KCNJ4: variants seen among roughly 807,000 people sequenced by gnomAD.
KCNJ4 encodes potassium inwardly rectifying channel subfamily J member 4.
Under a neutral mutation model 25.6 loss-of-function variants are expected in KCNJ4, and 3 were observed. The observed-to-expected ratio is 0.12, with a 90% CI of 0.05 to 0.30. KCNJ4 has a LOEUF of 0.30. Among genes scored for constraint, KCNJ4 ranks in the 10% least tolerant of loss-of-function variants. The pLI is 1.00. For synonymous variants in KCNJ4, 257 were observed against 283.9 expected, an observed-to-expected ratio of 0.91 and a Z score of 0.95; for missense variants, 286 against 666.8, an observed-to-expected ratio of 0.43 and a Z score of 6.29.
chr22:38,444,475 G>A (rs2089359612), intron 1 of KCNJ4, among the ~76,000 whole-genome samples: 1 of 152,220 alleles, frequency 6.6e-6, no homozygotes, highest in Admixed American at 6.5e-5. Context: ...AGGACAGGAT[G>A]TCAGAGGGCT....
In KCNJ4 at chr22:38,426,581, G is replaced by C; in HGVS notation, c.*214C>G. The C allele has an allele frequency of 1.7e-6, 1 of 575,188 alleles. No homozygotes were observed. Among genetic ancestry groups the C allele is most frequent in the Admixed American group, 3.3e-5 (1 of 30,316 alleles). 35.6% of individuals were successfully genotyped at this position (575,188 alleles called of 1,614,324 possible). A position where few individuals can be genotyped will look rare whatever the true frequency, so the allele number is the denominator to read the frequency against. On this transcript the variant is annotated 3_prime_UTR_variant, in exon 2 of 2. Transcript: ENST00000303592. ...GGACCTAGAGCCACCAGAAGTAGGC[G>C]CTGGCGGAACTCAGGCTGATCGGGG...
intron 1 of KCNJ4, among the ~76,000 whole-genome samples, chr22:38,447,875 C>A (rs924370596): frequency 1.3e-5 from 2 of 151,884 alleles, no homozygotes; most frequent in Non-Finnish European, 2.9e-5. Flanking sequence ...ACCAGCCTGA[C>A]CAACATGGTG....
intron 1 of KCNJ4, among the ~76,000 whole-genome samples, chr22:38,454,178 G>A (rs2089425073): frequency 6.6e-6 from 1 of 152,070 alleles, no homozygotes; most frequent in African/African-American, 2.4e-5. Flanking sequence ...GCCCTGCTCT[G>A]TCAGCTGGCC....
Position 38,455,111 on chromosome 22 carries a change from G to C in KCNJ4, c.-171C>G, listed in dbSNP as rs2089432678. 1 of 149,604 alleles carries C rather than the reference G, an allele frequency of 6.7e-6. No homozygotes were observed. Among genetic ancestry groups the C allele is most frequent in the African/African-American group, 2.4e-5 (1 of 41,060 alleles). 9.3% of individuals were successfully genotyped at this position (149,604 alleles called of 1,614,324 possible). ...CGCCCCCTGCCCGCGAACTCGGCCG[G>C]CCGGCCCGCGCTCCCCTCCCCGGCT... On this transcript the variant is annotated 5_prime_UTR_variant, in exon 1 of 2. Coordinates refer to ENST00000303592, the MANE Select transcript of KCNJ4 (RefSeq NM_152868.3).
intron 1 of KCNJ4, among the ~76,000 whole-genome samples, chr22:38,446,118 AG>A (rs2089372678): frequency 6.6e-6 from 1 of 152,234 alleles, no homozygotes; most frequent in African/African-American, 2.4e-5. Context: ...CTCCCAGGAC[AG>A]GGCGCTCACC....
intron 1 of KCNJ4, among the ~76,000 whole-genome samples, chr22:38,429,289 C>T (rs531596394): frequency 1.6e-3 from 246 of 152,192 alleles, no homozygotes; most frequent in Middle Eastern, 0.01. Flanking sequence ...AGGGGGAGCC[C>T]CCAGCTCTGA....
At chr22:38,442,617 G>A (rs546145218) in intron 1 of KCNJ4, among the ~76,000 whole-genome samples, 8 of 151,482 alleles carry the variant, frequency 5.3e-5, no homozygotes, top group African/African-American at 1.9e-4. Flanking sequence ...CGTGGCTTTG[G>A]GAAAATTTCT....
chr22:38,433,606 T>A (rs1330418855), intron 1 of KCNJ4, among the ~76,000 whole-genome samples: 1 of 152,210 alleles, frequency 6.6e-6, no homozygotes, highest in East Asian at 1.9e-4. Flanking sequence ...CACGAGCCAC[T>A]GCATCCGGCT....
intron 1 of KCNJ4, among the ~76,000 whole-genome samples, chr22:38,430,338 A>C (rs2093045876): frequency 6.6e-6 from 1 of 152,194 alleles, no homozygotes; most frequent in Non-Finnish European, 1.5e-5. Flanking sequence ...CCCCGTCTCT[A>C]CTGAAAATAC....
rs757723128 is a variant in KCNJ4 at position 38,427,275 on chromosome 22, G to A, written c.858C>T (p.Ile286=). ...CCACCATGCCCTCCAGGATGACCAC[G>A]ATCTCAAAGTCCTCCGACTCCAGCT... ...KEELESEDFE[I]VVILEGMVEA... is the part of the protein sequence containing the mutation. The change falls in exon 2 of 2, where the codon ATC becomes ATT. Residue 286 remains isoleucine, a synonymous_variant. Coordinates refer to ENST00000303592, the MANE Select transcript of KCNJ4 (RefSeq NM_152868.3). 1.2e-5 allele frequency: 20 copies of A among 1,613,668 alleles called. 1 individual carries two copies. The South Asian group carries it at 1.3e-4, about 11-fold the overall frequency.
chr22:38,435,471 T>C (rs1479941995), intron 1 of KCNJ4, among the ~76,000 whole-genome samples: 1 of 152,116 alleles, frequency 6.6e-6, no homozygotes, highest in Non-Finnish European at 1.5e-5. Flanking sequence ...GGCAGGTGGA[T>C]CACCTGATGT....
intron 1 of KCNJ4, among the ~76,000 whole-genome samples, chr22:38,432,372 G>C (rs1001864885): frequency 3.9e-5 from 6 of 152,108 alleles, no homozygotes; most frequent in African/African-American, 1.4e-4. Context: ...GTGGATGCAG[G>C]GATGCAGGGC....
Position 38,432,682 on chromosome 22 carries a change from C to G in KCNJ4, c.-39-4511G>C, listed in dbSNP as rs147204431. On this transcript the variant is annotated intron_variant, in intron 1 of 1. Coordinates refer to ENST00000303592, the MANE Select transcript of KCNJ4 (RefSeq NM_152868.3). ...ATGGCAAAATGAGCCTAAGAAGGAT[C>G]AATGGGCCGGGCGCGGTGGCTCACG... Among the ~76,000 whole-genome samples the G allele has an allele frequency of 3.1e-4, 47 of 152,252 alleles. 1 individual carries two copies. The East Asian group carries it at 9.1e-3, about 29-fold the overall frequency.
At chr22:38,433,492 T>C (rs764328022) in intron 1 of KCNJ4, among the ~76,000 whole-genome samples, 14 of 152,182 alleles carry the variant, frequency 9.2e-5, no homozygotes, top group Non-Finnish European at 2.1e-4. Context: ...ATTATTACTA[T>C]TTTTTATAGA....
intron 1 of KCNJ4, among the ~76,000 whole-genome samples, chr22:38,452,654 G>A (rs1437289147): frequency 2.0e-5 from 3 of 152,082 alleles, no homozygotes; most frequent in African/African-American, 7.2e-5. Context: ...TGGCATCCTA[G>A]GGGGAGAGGC....
intron 1 of KCNJ4, among the ~76,000 whole-genome samples, chr22:38,439,063 T>C (rs1039857206): frequency 2.0e-5 from 3 of 152,006 alleles, no homozygotes; most frequent in Non-Finnish European, 4.4e-5. Context: ...CTGGGCAACA[T>C]GGTAAAACCC....
chr22:38,432,247 C>T (rs1045112647), intron 1 of KCNJ4, among the ~76,000 whole-genome samples: 3 of 121,128 alleles, frequency 2.5e-5, no homozygotes, highest in African/African-American at 9.2e-5. Context: ...CACAGAGAGA[C>T]TCCATCTCAA....
intron 1 of KCNJ4, among the ~76,000 whole-genome samples, chr22:38,438,239 C>CAAA (rs57825965): frequency 0.091 from 2,055 of 22,628 alleles, 224 homozygotes; most frequent in East Asian, 0.19. Context: ...TACTCTGTCT[C>CAAA]AAAAAAAAAA....
chr22:38,436,227 G>C (rs187342674), intron 1 of KCNJ4, among the ~76,000 whole-genome samples: 1 of 152,224 alleles, frequency 6.6e-6, no homozygotes, highest in South Asian at 2.1e-4. Context: ...GCCCAGCCCA[G>C]AGTAAGTGAT....
Sources: gnomAD v4.1 joint callset for allele counts (sites outside exome capture counted in the v4.1 genomes callset) on GRCh38, gnomAD v4.1.1 for gene constraint, MANE v1.5 for transcripts, NCBI Gene and HGNC (gene_info 2026-07-23, HGNC 2026-07-21) for gene names.